The following SPEG variants were observed in gnomAD, a reference collection of about 807,000 sequenced individuals.
The protein encoded by SPEG is striated muscle preferentially expressed protein kinase.
SPEG carries 114 observed loss-of-function variants against 300.4 expected under a neutral mutation model. That is an observed-to-expected ratio of 0.38 (90% CI 0.33 to 0.44). The LOEUF is 0.44. Ranked by LOEUF, SPEG falls within the 20% of genes least tolerant of loss-of-function variation. The pLI, the probability that SPEG is intolerant of heterozygous loss-of-function variation, is 1.00. For missense variants in SPEG, 4,201 were observed against 4,586.2 expected, an observed-to-expected ratio of 0.92 and a Z score of 2.43; for synonymous variants, 1,964 against 2,018.9, an observed-to-expected ratio of 0.97 and a Z score of 0.73.
In SPEG at chr2:219,493,224, A is replaced by T; in HGVS notation, c.*438A>T. The T allele has an allele frequency of 5.4e-6, 2 of 369,002 alleles. No individual in the cohort carries two copies. The highest frequency in any genetic ancestry group is 4.1e-5 in the South Asian group (2 of 48,554). The allele number at this position is 369,002 out of a possible 1,614,324, so 22.9% of individuals were successfully genotyped here. A position where few individuals can be genotyped will look rare whatever the true frequency, so the allele number is the denominator to read the frequency against. ...CAGTAGGCTGGGAGTCAGTGTGGCA[A>T]AGCGGGGGCAGGACACAGATACAGT... On this transcript the variant is annotated 3_prime_UTR_variant, in exon 41 of 41. Coordinates refer to ENST00000312358, the MANE Select transcript of SPEG (RefSeq NM_005876.5).
chr2:219,483,380 T>C lies in SPEG; in HGVS notation c.5917T>C (p.Trp1973Arg), dbSNP rs763668978. ...GACTGGGGCTGCCACCCCCATGGACTGGCAGGAGCAGGGAAGGGCTCCCTC... is the reference window on the plus strand; with the variant it reads ...GACTGGGGCTGCCACCCCCATGGACCGGCAGGAGCAGGGAAGGGCTCCCTC... ...PETGAATPMD[W>R]QEQGRAPSQD... The change falls in exon 30 of 41, where the codon TGG becomes CGG. Residue 1973 changes from tryptophan (W) to arginine (R), a missense_variant. By Grantham distance (101) the Trp-to-Arg change is moderately radical. Around this residue, in one of 4 missense-constraint regions of SPEG, gnomAD observed 1,578 missense variants for 1,506.0 expected, o/e 1.05. Coordinates refer to ENST00000312358, the MANE Select transcript of SPEG (RefSeq NM_005876.5). 1.9e-6 allele frequency: 3 copies of C among 1,602,162 alleles called. No individual in the cohort carries two copies. The highest frequency in any genetic ancestry group is 2.5e-6 in the Non-Finnish European group (3 of 1,176,884).
At position 219,489,912 on chromosome 2, in the gene SPEG, C is replaced by T; in HGVS notation, c.8894C>T (p.Pro2965Leu). 1 of 1,580,296 alleles carries T rather than the reference C, an allele frequency of 6.3e-7. No individual in the cohort carries two copies. Among genetic ancestry groups the T allele is most frequent in the Non-Finnish European group, 8.6e-7 (1 of 1,158,366 alleles). The part of the protein sequence containing the change: ...TTLRQGPPQK[P>L]YTFLEEKARG... Reference sequence around the variant, plus strand: ...CTTCGACAGGGTCCCCCTCAGAAACCCTACACCTTCCTGGAGGAGAAAGCC... The same window carrying T: ...CTTCGACAGGGTCCCCCTCAGAAACTCTACACCTTCCTGGAGGAGAAAGCC... Residue 2965 changes from proline to leucine, a missense_variant, in exon 36 of 41, where the codon CCC (proline) becomes CTC (leucine). By Grantham distance (98) the Pro-to-Leu change is moderately conservative. Transcript: ENST00000312358.
chr2:219,449,770 C>T (rs1207974244), intron 4 of SPEG, among the ~76,000 whole-genome samples: 1 of 152,154 alleles, frequency 6.6e-6, no homozygotes, highest in Non-Finnish European at 1.5e-5. Flanking sequence ...CACCCGGGCA[C>T]CATCCCCTGA....
chr2:219,469,372 GAC>G lies in SPEG; in HGVS notation c.3712_3713del (p.Gln1238ValfsTer113). On this transcript the variant is annotated frameshift_variant, in exon 13 of 41. Transcript: ENST00000312358. LOFTEE classifies it high-confidence loss of function. Reference sequence around the variant, plus strand: ...TCCAGAGCAGCGACGACCGGCGCATGACACAGTGTACGTGTCTGGGAAGTTCC... The same window carrying G: ...TCCAGAGCAGCGACGACCGGCGCATGACAGTGTACGTGTCTGGGAAGTTCC... ...RIQSSDDRRM[T>X]QYRDVHRLVF... The G allele has an allele frequency of 6.2e-7, 1 of 1,613,180 alleles. No individual in the cohort carries two copies. The highest frequency in any genetic ancestry group is 8.5e-7 in the Non-Finnish European group (1 of 1,179,652).
In SPEG at chr2:219,458,704, C is replaced by G. The variant is rs987931999; in HGVS notation, c.2441-3178C>G. Among the ~76,000 whole-genome samples, 1 of 152,216 alleles carries G rather than the reference C, an allele frequency of 6.6e-6. No individual in the cohort carries two copies. Among genetic ancestry groups the G allele is most frequent in the African/African-American group, 2.4e-5 (1 of 41,456 alleles). ...TGAAGGGGGCTTAGTGATACCACCTCTTAGGGCTGTCCTCCTCCCATAAAG... is the reference window on the plus strand; with the variant it reads ...TGAAGGGGGCTTAGTGATACCACCTGTTAGGGCTGTCCTCCTCCCATAAAG... On this transcript the variant is annotated intron_variant, in intron 6 of 40. Transcript: ENST00000312358. The surrounding 1 kb of genome is among the most constrained non-coding windows in gnomAD (Gnocchi z 4.2).
intron 8 of SPEG, among the ~76,000 whole-genome samples, chr2:219,463,477 G>A (rs1232718486): frequency 3.2e-5 from 4 of 124,670 alleles, no homozygotes; most frequent in African/African-American, 9.1e-5. Flanking sequence ...GCAGTGGTGC[G>A]ATCTGGGCTC....
intron 10 of SPEG, among the ~76,000 whole-genome samples, 153 bp from the exon 11 acceptor site, chr2:219,468,425 A>G (rs557151920): frequency 9.3e-4 from 141 of 152,106 alleles, no homozygotes; most frequent in South Asian, 1.5e-3. Flanking sequence ...TAGTCTCTGG[A>G]TCTGTGCCCA....
rs1277530798 is a variant in SPEG, at chr2:219,459,265, G to C, written c.2441-2617G>C. ...GCACCTGCCCCCTCCTTCCTGGCTG[G>C]TGTAACTGTGTTTGCCACAGTGAGA... is the stretch of plus-strand genomic sequence containing the variant. On this transcript the variant is annotated intron_variant, in intron 6 of 40. Coordinates refer to ENST00000312358, the MANE Select transcript of SPEG (RefSeq NM_005876.5). This position sits in a 1 kb window ranked among gnomAD's most constrained non-coding sequence, Gnocchi z 4.9. 6.6e-6 allele frequency among the ~76,000 whole-genome samples: 1 copy of C among 152,214 alleles called. No homozygotes were observed. The highest frequency in any genetic ancestry group is 6.5e-5 in the Admixed American group (1 of 15,290).
rs1693181764 is a variant in SPEG at position 219,484,428 on chromosome 2, G to A, written c.6965G>A (p.Ser2322Asn). Residue 2322 changes from serine to asparagine, a missense_variant, in exon 30 of 41, where the codon AGC becomes AAC. Physicochemically the swap from Ser to Asn is conservative, Grantham distance 46. Coordinates refer to ENST00000312358, the MANE Select transcript of SPEG (RefSeq NM_005876.5). ...VPPRPGSSLS[S>N]SIENLESEAV... ...CCCAGGCCAGGCAGCAGTCTCAGTA[G>A]CAGCATCGAAAACTTGGAGTCGGAG... 2 of 1,611,328 alleles carry A rather than the reference G, an allele frequency of 1.2e-6. No individual in the cohort carries two copies. The highest frequency in any genetic ancestry group is 1.7e-6 in the Non-Finnish European group (2 of 1,179,832).
rs1690404481 is a variant in SPEG at position 219,458,849 on chromosome 2, G to A, written c.2441-3033G>A. On this transcript the variant is annotated intron_variant, in intron 6 of 40. Coordinates refer to ENST00000312358, the MANE Select transcript of SPEG (RefSeq NM_005876.5). The surrounding 1 kb of genome is among the most constrained non-coding windows in gnomAD (Gnocchi z 4.2). ...TTCTGCAGGCTGGAGTAAGGTTGAGGAATCTATATTTTAAATAAGCCCGAG... is the reference window on the plus strand; with the variant it reads ...TTCTGCAGGCTGGAGTAAGGTTGAGAAATCTATATTTTAAATAAGCCCGAG... Among the ~76,000 whole-genome samples, 1 of 152,204 alleles carries A rather than the reference G, an allele frequency of 6.6e-6. No individual in the cohort carries two copies. The highest frequency in any genetic ancestry group is 2.4e-5 in the African/African-American group (1 of 41,446).
intron 13 of SPEG, 181 bp from the exon 14 acceptor site, chr2:219,471,687 C>T: frequency 2.8e-6 from 2 of 707,492 alleles, no homozygotes. Context: ...GGGCCCAGAC[C>T]CAGACTTTGC....
chr2:219,479,684 A>G lies in SPEG; in HGVS notation c.5086-99A>G, dbSNP rs777341892. On this transcript the variant is annotated intron_variant, in intron 23 of 40. Transcript: ENST00000312358. The surrounding 1 kb of genome is among the most constrained non-coding windows in gnomAD (Gnocchi z 5.5). ...TCAGCCCCTTCCACGAGCCATCTGA[A>G]GGCTACTCCACAGGCACAGCCGGAC... The G allele has an allele frequency of 9.3e-7, 1 of 1,071,626 alleles. No homozygotes were observed. Among genetic ancestry groups the G allele is most frequent in the Non-Finnish European group, 1.4e-6 (1 of 696,396 alleles). 66.4% of individuals were successfully genotyped at this position (1,071,626 alleles called of 1,614,324 possible).
chr2:219,453,556 C>T (rs1689935028), intron 6 of SPEG, among the ~76,000 whole-genome samples: 1 of 152,224 alleles, frequency 6.6e-6, no homozygotes, highest in Non-Finnish European at 1.5e-5. Flanking sequence ...CCTTGGAAGG[C>T]CCATATCCTG....
chr2:219,477,109 T>C lies in SPEG; in HGVS notation c.4560+127T>C. ...GCGTGGTTAGGAGGAGGAAAGGGGCTGCAGAGGACTGACTAGCTGAGGGGT... is the reference window on the plus strand; with the variant it reads ...GCGTGGTTAGGAGGAGGAAAGGGGCCGCAGAGGACTGACTAGCTGAGGGGT... On this transcript the variant is annotated intron_variant, in intron 19 of 40. Transcript: ENST00000312358. The surrounding 1 kb of genome is among the most constrained non-coding windows in gnomAD (Gnocchi z 6.4). The C allele has an allele frequency of 2.0e-6, 2 of 1,006,836 alleles. No individual in the cohort carries two copies. Among genetic ancestry groups the C allele is most frequent in the Non-Finnish European group, 2.9e-6 (2 of 695,076 alleles). The allele number at this position is 1,006,836 out of a possible 1,614,324, so 62.4% of individuals were successfully genotyped here.
chr2:219,468,055 G>C (rs958231776), intron 10 of SPEG, among the ~76,000 whole-genome samples: 19 of 152,238 alleles, frequency 1.2e-4, no homozygotes, highest in African/African-American at 4.6e-4. Context: ...AGCTGGAGGG[G>C]CTTTAGAAGC....
At position 219,483,599 on chromosome 2, in the gene SPEG, C is replaced by A; in HGVS notation, c.6136C>A (p.Pro2046Thr). The change falls in exon 30 of 41, where the codon CCC becomes ACC. Residue 2046 changes from proline to threonine, a missense_variant. By Grantham distance (38) the Pro-to-Thr change is conservative. This residue lies in a region of SPEG where 1,578 missense variants were observed against 1,506.0 expected (regional missense o/e 1.05). Transcript: ENST00000312358. Reference sequence around the variant, plus strand: ...TGTGGAGCTGCCGCAGCGCCGGAGCCCCAGCCCGGGAGCCACCCGCCTGGC... The same window carrying A: ...TGTGGAGCTGCCGCAGCGCCGGAGCACCAGCCCGGGAGCCACCCGCCTGGC... The part of the protein sequence containing the change: ...ASVELPQRRS[P>T]SPGATRLARG... 6.7e-7 allele frequency: 1 copy of A among 1,492,378 alleles called. No homozygotes were observed. The highest frequency in any genetic ancestry group is 1.3e-5 in the South Asian group (1 of 78,890). The allele number at this position is 1,492,378 out of a possible 1,614,324, so 92.4% of individuals were successfully genotyped here.
intron 9 of SPEG, 105 bp from the exon 10 acceptor site, chr2:219,467,069 C>A: frequency 7.5e-7 from 1 of 1,335,006 alleles, no homozygotes; most frequent in Non-Finnish European, 1.0e-6. Flanking sequence ...CAAAATGCAT[C>A]TCTCTCTCTG....
At position 219,481,617 on chromosome 2, in the gene SPEG, T is replaced by C. The variant is rs1692853527; in HGVS notation, c.5523-21T>C. ...TGATGACTGAACGATAAATCCCTTC[T>C]TAATCCTCATTCATTCACAGGAGAC... On this transcript the variant is annotated intron_variant, in intron 27 of 40. Coordinates refer to ENST00000312358, the MANE Select transcript of SPEG (RefSeq NM_005876.5). This position sits in a 1 kb window ranked among gnomAD's most constrained non-coding sequence, Gnocchi z 5.4. 1 of 1,613,798 alleles carries C rather than the reference T, an allele frequency of 6.2e-7. No individual in the cohort carries two copies. Among genetic ancestry groups the C allele is most frequent in the Non-Finnish European group, 8.5e-7 (1 of 1,179,796 alleles).
At position 219,473,737 on chromosome 2, in the gene SPEG, G is replaced by T. The variant is rs1286453652; in HGVS notation, c.4281G>T (p.Gly1427=). The change falls in exon 18 of 41, where the codon GGG becomes GGT. Residue 1427 remains glycine (G), a synonymous_variant. Coordinates refer to ENST00000312358, the MANE Select transcript of SPEG (RefSeq NM_005876.5). This position sits in a 1 kb window ranked among gnomAD's most constrained non-coding sequence, Gnocchi z 4.6. ...EAQVVWRSCR[G]ALLEARAGVY... ...GTCATGTGTCCCCTAGCTGCCGAGGGGCCCTCCTAGAGGCACGGGCCGGTG... is the reference window on the plus strand; with the variant it reads ...GTCATGTGTCCCCTAGCTGCCGAGGTGCCCTCCTAGAGGCACGGGCCGGTG... 1.2e-6 allele frequency: 2 copies of T among 1,612,904 alleles called. No individual in the cohort carries two copies. Among genetic ancestry groups the T allele is most frequent in the Non-Finnish European group, 1.7e-6 (2 of 1,179,304 alleles).
Sources: allele counts gnomAD v4.1 joint callset (sites outside exome capture counted in the v4.1 genomes callset), GRCh38; gene constraint gnomAD v4.1.1; regional missense constraint gnomAD v4.1.1; non-coding constraint Gnocchi (gnomAD v3.1); transcripts MANE v1.5; gene names NCBI Gene and HGNC (gene_info 2026-07-23, HGNC 2026-07-21).